SCOC: variants seen among roughly 807,000 people sequenced by gnomAD.
The protein encoded by SCOC is short coiled coil protein.
SCOC carries 7 observed loss-of-function variants against 9.9 expected under a neutral mutation model. That is an observed-to-expected ratio of 0.71 (90% CI 0.40 to 1.33). The LOEUF (loss-of-function observed/expected upper bound fraction) is 1.33. Ranked by LOEUF, SCOC falls within the 40% of genes most tolerant of loss-of-function variation. The pLI, the probability that SCOC is intolerant of heterozygous loss-of-function variation, is 0.01. For missense variants in SCOC, 66 were observed against 89.7 expected, an observed-to-expected ratio of 0.74 and a Z score of 1.07; for synonymous variants, 19 against 28.2, an observed-to-expected ratio of 0.67 and a Z score of 1.03.
At chr4:140,369,857 A>ATTT (rs540817613), upstream of SCOC, among the ~76,000 whole-genome samples, 4 of 31,420 alleles carry the variant, frequency 1.3e-4, 1 homozygote, top group East Asian at 1.1e-3. Context: ...CAGAAGGGGG[A>ATTT]TTTTTTTTTT....
intron 1 of SCOC, among the ~76,000 whole-genome samples, chr4:140,265,186 A>G (rs1283893669): frequency 6.6e-6 from 1 of 152,212 alleles, no homozygotes; most frequent in Non-Finnish European, 1.5e-5. Context: ...TTGTTTTAAA[A>G]AGGAGGTTTA....
chr4:140,339,503 G>C (rs1025072088), upstream of SCOC, among the ~76,000 whole-genome samples: 2 of 152,182 alleles, frequency 1.3e-5, no homozygotes, highest in Non-Finnish European at 2.9e-5. Context: ...TACCACCAGA[G>C]TGAACAGGCA....
chr4:140,300,719 C>A (rs545058389), intron 1 of SCOC, among the ~76,000 whole-genome samples: 1 of 152,242 alleles, frequency 6.6e-6, no homozygotes, highest in East Asian at 1.9e-4. Context: ...GGGAATCCTT[C>A]TGAGACAGAA....
intron 1 of SCOC, among the ~76,000 whole-genome samples, chr4:140,325,529 T>C (rs1437583886): frequency 6.6e-6 from 1 of 152,052 alleles, no homozygotes; most frequent in East Asian, 1.9e-4. Context: ...ACGGGCAAAA[T>C]ATCTGAACAG....
intron 1 of SCOC, among the ~76,000 whole-genome samples, chr4:140,303,793 C>A (rs1380755888): frequency 6.6e-6 from 1 of 152,208 alleles, no homozygotes; most frequent in South Asian, 2.1e-4. Context: ...GGGCTGTTCA[C>A]TTAGAATTGC....
At chr4:140,373,923 G>C (rs1296716257) in intron 1 of SCOC, 1 of 706,550 alleles carries the variant, frequency 1.4e-6, no homozygotes, top group East Asian at 2.7e-5. Flanking sequence ...TTTTTCTCCT[G>C]TTTTCGTTGT....
intron 1 of SCOC, among the ~76,000 whole-genome samples, chr4:140,269,956 G>C (rs1430273143): frequency 6.6e-6 from 1 of 152,102 alleles, no homozygotes; most frequent in Non-Finnish European, 1.5e-5. Context: ...TTGCTAGCTT[G>C]CCCAGGCTGG....
intron 1 of SCOC, among the ~76,000 whole-genome samples, chr4:140,276,618 G>A (rs951931659): frequency 6.6e-6 from 1 of 151,632 alleles, no homozygotes; most frequent in African/African-American, 2.4e-5. Flanking sequence ...ACCACACCCA[G>A]CTAATTTTTT....
At chr4:140,355,540 T>A (rs981461160) in intron 2 of SCOC, among the ~76,000 whole-genome samples, 1 of 152,084 alleles carries the variant, frequency 6.6e-6, no homozygotes, top group African/African-American at 2.4e-5. Context: ...GCATCAGAAT[T>A]GAAATTAGTA....
chr4:140,354,305 C>G (rs1403643201), intron 2 of SCOC, among the ~76,000 whole-genome samples: 1 of 151,982 alleles, frequency 6.6e-6, no homozygotes, highest in Non-Finnish European at 1.5e-5. Flanking sequence ...GATTCCTGTC[C>G]CTTCTGCTTT....
rs1419800618 is a variant in SCOC, at chr4:140,383,618, C to T, written c.*2514C>T. The stretch of plus-strand genomic sequence containing the variant: ...CCATGGTTTCCCCTCTGGAAAGTTA[C>T]TCCTTATCCATTTTCTTCCATGGCT... On this transcript the variant is annotated 3_prime_UTR_variant, in exon 4 of 4. Transcript: ENST00000608372. 2.0e-5 allele frequency: 3 copies of T among 152,164 alleles called. No homozygotes were observed. The highest frequency in any genetic ancestry group is 4.4e-5 in the Non-Finnish European group (3 of 68,036). The allele number at this position is 152,164 out of a possible 1,614,324, so 9.4% of individuals were successfully genotyped here.
intron 1 of SCOC, among the ~76,000 whole-genome samples, chr4:140,290,005 A>G (rs1731421421): frequency 6.6e-6 from 1 of 152,198 alleles, no homozygotes; most frequent in South Asian, 2.1e-4. Flanking sequence ...CCTCTACCCC[A>G]GGACTCCTCA....
At chr4:140,285,008 G>T (rs143586748) in intron 1 of SCOC, 1 of 320,450 alleles carries the variant, frequency 3.1e-6, no homozygotes, top group South Asian at 2.7e-5. Flanking sequence ...TCATGATAAT[G>T]GTTAACGTCT....
intron 2 of SCOC, among the ~76,000 whole-genome samples, chr4:140,351,273 G>A (rs764771658): frequency 4.6e-5 from 7 of 152,070 alleles, no homozygotes; most frequent in Non-Finnish European, 1.0e-4. Flanking sequence ...TGGACATGGC[G>A]CTGTAAGCTG....
intron 2 of SCOC, among the ~76,000 whole-genome samples, chr4:140,352,003 A>G (rs531436117): frequency 6.6e-6 from 1 of 152,188 alleles, no homozygotes; most frequent in Non-Finnish European, 1.5e-5. Context: ...TTGCTGGGTT[A>G]CACTGGACAT....
intron 1 of SCOC, among the ~76,000 whole-genome samples, chr4:140,258,976 C>A (rs1730570757): frequency 6.6e-6 from 1 of 152,226 alleles, no homozygotes; most frequent in African/African-American, 2.4e-5. Flanking sequence ...TACCGCTGAA[C>A]AATGGCCTGG....
At chr4:140,312,030 T>A (rs192471881) in intron 1 of SCOC, among the ~76,000 whole-genome samples, 1 of 152,262 alleles carries the variant, frequency 6.6e-6, no homozygotes, top group African/African-American at 2.4e-5. Context: ...AATAGTTATA[T>A]TGCTTTCTGG....
At chr4:140,354,548 C>T (rs1380959879) in intron 2 of SCOC, among the ~76,000 whole-genome samples, 1 of 132,114 alleles carries the variant, frequency 7.6e-6, no homozygotes, top group African/African-American at 2.8e-5. Flanking sequence ...ATATTTTTTA[C>T]CAACACAAAC....
At chr4:140,265,100 T>C (rs190381204) in intron 1 of SCOC, among the ~76,000 whole-genome samples, 3 of 152,324 alleles carry the variant, frequency 2.0e-5, no homozygotes, top group Non-Finnish European at 4.4e-5. Flanking sequence ...ATTGTGTTGA[T>C]TTCTTCTTGA....
Sources: gnomAD v4.1 joint callset for allele counts (sites outside exome capture counted in the v4.1 genomes callset) on GRCh38, gnomAD v4.1.1 for gene constraint, MANE v1.5 for transcripts, NCBI Gene and HGNC (gene_info 2026-07-23, HGNC 2026-07-21) for gene names.